Variants in PLXDC2 observed in about 807,000 individuals in gnomAD.
The protein encoded by PLXDC2 is plexin domain containing 2.
In PLXDC2, 40 loss-of-function variants were observed where a neutral mutation model predicts 68.9. That is an observed-to-expected ratio of 0.58 (90% CI 0.45 to 0.76). PLXDC2 has a LOEUF of 0.76. PLXDC2 is among the 30% of genes least tolerant of loss of function. The probability of loss-of-function intolerance (pLI) is 0.00; values close to 1 mark genes in which losing one functional copy is unlikely to be tolerated. For synonymous variants in PLXDC2, 243 were observed against 234.2 expected (o/e 1.04, Z -0.34); for missense variants, 644 against 661.9 (o/e 0.97, Z 0.30).
chr10:19,892,416 G>A (rs776442631), intron 1 of PLXDC2, among the ~76,000 whole-genome samples: 9 of 152,108 alleles, frequency 5.9e-5, no homozygotes, highest in Non-Finnish European at 1.2e-4. Context: ...CACACTACCC[G>A]CCCAGTGCTG....
At chr10:20,240,978 T>C (rs1835508451) in intron 12 of PLXDC2, among the ~76,000 whole-genome samples, 1 of 152,216 alleles carries the variant, frequency 6.6e-6, no homozygotes, top group African/African-American at 2.4e-5. Context: ...CTGGTTAGTA[T>C]TGAGAATCCA....
intron 3 of PLXDC2, among the ~76,000 whole-genome samples, chr10:20,047,894 G>A (rs1017869562): frequency 6.6e-6 from 1 of 152,132 alleles, no homozygotes; most frequent in African/African-American, 2.4e-5. Context: ...AATTGTGTGT[G>A]TAAAATTTAT....
chr10:19,919,229 C>A (rs1369710162), intron 1 of PLXDC2, among the ~76,000 whole-genome samples: 3 of 152,162 alleles, frequency 2.0e-5, no homozygotes. Flanking sequence ...ATATTCTTAT[C>A]CAAAAGGGTG....
intron 1 of PLXDC2, among the ~76,000 whole-genome samples, chr10:19,884,655 C>A (rs1351540906): frequency 6.6e-6 from 1 of 152,192 alleles, no homozygotes; most frequent in Non-Finnish European, 1.5e-5. Flanking sequence ...TTTCCAATTT[C>A]ATCCATGTCC....
chr10:19,919,756 C>T (rs879339902), intron 1 of PLXDC2, among the ~76,000 whole-genome samples: 4 of 152,166 alleles, frequency 2.6e-5, no homozygotes, highest in Non-Finnish European at 5.9e-5. Context: ...GCCCTTTGGT[C>T]ATGGTGTGTT....
chr10:20,270,013 A>G (rs1049767314), intron 13 of PLXDC2, among the ~76,000 whole-genome samples: 1 of 130,064 alleles, frequency 7.7e-6, no homozygotes, highest in Non-Finnish European at 1.6e-5. Flanking sequence ...GACAGGCTCC[A>G]TCAAAAAATA....
intron 2 of PLXDC2, among the ~76,000 whole-genome samples, chr10:20,042,597 G>C (rs1835702146): frequency 1.3e-5 from 2 of 148,286 alleles, no homozygotes; most frequent in Admixed American, 6.7e-5. Flanking sequence ...TTTTTTGTTT[G>C]TTTGTTTGTT....
At chr10:20,222,799 G>A (rs1835230357) in intron 12 of PLXDC2, among the ~76,000 whole-genome samples, 2 of 151,800 alleles carry the variant, frequency 1.3e-5, no homozygotes, top group Non-Finnish European at 2.9e-5. Context: ...GCCAAACTGG[G>A]CAACATAGCA....
intron 2 of PLXDC2, among the ~76,000 whole-genome samples, chr10:20,008,926 G>A (rs528156255): frequency 2.4e-4 from 36 of 152,286 alleles, no homozygotes; most frequent in East Asian, 7.7e-4. Flanking sequence ...CTCTCCAGCC[G>A]TGTGGAACTG....
At chr10:20,146,562 C>T (rs553916705) in intron 5 of PLXDC2, among the ~76,000 whole-genome samples, 3 of 124,526 alleles carry the variant, frequency 2.4e-5, no homozygotes, top group South Asian at 2.9e-4. Flanking sequence ...AATATAGACA[C>T]GGAGATGCCC....
intron 4 of PLXDC2, among the ~76,000 whole-genome samples, chr10:20,110,212 G>A (rs1226407142): frequency 6.6e-6 from 1 of 152,110 alleles, no homozygotes. Context: ...CTCCAGAAAA[G>A]GGAAGCAGAG....
At chr10:20,198,424 A>C (rs1834870699) in intron 9 of PLXDC2, among the ~76,000 whole-genome samples, 1 of 152,168 alleles carries the variant, frequency 6.6e-6, no homozygotes. Flanking sequence ...TTTTGTATAT[A>C]CTAATCCCAA....
At chr10:19,976,276 C>T (rs552043576) in intron 1 of PLXDC2, among the ~76,000 whole-genome samples, 96 of 151,980 alleles carry the variant, frequency 6.3e-4, no homozygotes, top group African/African-American at 2.1e-3. Flanking sequence ...TACAGTGGTG[C>T]GATCTTGGCT....
In PLXDC2 at chr10:19,973,206, TTTC is replaced by T. The variant is rs370495571; in HGVS notation, c.113-28565_113-28563del. On this transcript the variant is annotated intron_variant, in intron 1 of 13. Transcript: ENST00000377252. ...AATTGATGAAGGTGTTTTGATTAAC[TTTC>T]TTCAAGATCTGCGTATATATATGTA... 2.8e-4 allele frequency among the ~76,000 whole-genome samples: 42 copies of T among 150,816 alleles called. No individual in the cohort carries two copies. The East Asian group carries it at 7.4e-3, about 27-fold the overall frequency.
intron 1 of PLXDC2, among the ~76,000 whole-genome samples, chr10:19,819,299 C>G (rs12775296): frequency 0.23 from 34,597 of 152,068 alleles, 4,424 homozygotes; most frequent in African/African-American, 0.32. Flanking sequence ...AAATTCCTTG[C>G]CAAATTTTCG....
At chr10:20,123,895 C>T (rs183726184) in intron 4 of PLXDC2, among the ~76,000 whole-genome samples, 183 of 150,766 alleles carry the variant, frequency 1.2e-3, no homozygotes, top group African/African-American at 3.8e-3. Flanking sequence ...GCTTGGGGCA[C>T]GGAAATAAGG....
chr10:20,126,739 AAC>A lies in PLXDC2; in HGVS notation c.542-16549_542-16548del, dbSNP rs5783723. Among the ~76,000 whole-genome samples the A allele has an allele frequency of 4.4e-3, 20 of 4,592 alleles. 3 individuals are homozygous for A. Among genetic ancestry groups the A allele is most frequent in the African/African-American group, 0.012 (17 of 1,456 alleles). The allele number at this position is 4,592 out of a possible 152,430, so 3.0% of individuals were successfully genotyped here. A position where few individuals can be genotyped will look rare whatever the true frequency, so the allele number is the denominator to read the frequency against. ...ACACACACGTTATATATGTATATAGAACACACACGTTATATATGTATATAGAA... is the reference window on the plus strand; with the variant it reads ...ACACACACGTTATATATGTATATAGAACACACGTTATATATGTATATAGAA... On this transcript the variant is annotated intron_variant, in intron 4 of 13. Coordinates refer to ENST00000377252, the MANE Select transcript of PLXDC2 (RefSeq NM_032812.9).
chr10:20,167,094 C>T (rs1834385829), intron 7 of PLXDC2, among the ~76,000 whole-genome samples: 1 of 151,460 alleles, frequency 6.6e-6, no homozygotes, highest in African/African-American at 2.4e-5. Flanking sequence ...GAAAATTAGC[C>T]AAGAAGGAAT....
intron 1 of PLXDC2, among the ~76,000 whole-genome samples, chr10:19,979,923 C>T (rs10827916): frequency 0.92 from 140,809 of 152,262 alleles, 65,253 homozygotes; most frequent in South Asian, 0.97. Flanking sequence ...TGTTCATTTT[C>T]CTAATTGAAT....
Sources: allele counts gnomAD v4.1 joint callset (sites outside exome capture counted in the v4.1 genomes callset), GRCh38; gene constraint gnomAD v4.1.1; transcripts MANE v1.5; gene names NCBI Gene and HGNC (gene_info 2026-07-23, HGNC 2026-07-21).